Variants in UGT1A5 observed in about 807,000 individuals in gnomAD.
UGT1A5 encodes UDP-glucuronosyltransferase 1A5.
Under a neutral mutation model 40.3 loss-of-function variants are expected in UGT1A5, and 29 were observed. The ratio of observed to expected loss-of-function variants is 0.72; its 90% CI spans 0.54 to 0.98. The LOEUF (loss-of-function observed/expected upper bound fraction) is 0.98. Ranked by LOEUF, UGT1A5 falls within the 50% of genes least tolerant of loss-of-function variation. The pLI, the probability that UGT1A5 is intolerant of heterozygous loss-of-function variation, is 0.00. For missense variants in UGT1A5, 678 were observed against 677.9 expected (o/e 1.00, Z 0.00); for synonymous variants, 257 against 262.5 (o/e 0.98, Z 0.20).
At chr2:233,760,487 A>G (rs2125984867) in intron 1 of UGT1A5, 1 of 1,614,244 alleles carries the variant, frequency 6.2e-7, no homozygotes, top group Non-Finnish European at 8.5e-7. Context: ...GCCTCGTTGT[A>G]CATCAGAGAC....
chr2:233,729,862 G>T lies in UGT1A5; in HGVS notation c.867+16004G>T, dbSNP rs146461519. On this transcript the variant is annotated intron_variant, in intron 1 of 4. Transcript: ENST00000373414. Reference sequence around the variant, plus strand: ...GCTTTTTCAGAGAGAGGTGTCAGTGGTGGATATTCTCAGTCATGCATCTGT... The same window carrying T: ...GCTTTTTCAGAGAGAGGTGTCAGTGTTGGATATTCTCAGTCATGCATCTGT... 816 of 1,613,860 alleles carry T rather than the reference G, an allele frequency of 5.1e-4. 3 individuals are homozygous for T. In the Middle Eastern group the frequency reaches 7.4e-3, roughly 15 times the overall value.
At chr2:233,747,077 T>G (rs1575680795) in intron 1 of UGT1A5, 1 of 1,083,878 alleles carries the variant, frequency 9.2e-7, no homozygotes, top group East Asian at 2.9e-5. Flanking sequence ...AATAATTAAC[T>G]AGGAGGAGAG....
chr2:233,745,619 A>G (rs976825900), intron 1 of UGT1A5, among the ~76,000 whole-genome samples: 4 of 151,618 alleles, frequency 2.6e-5, no homozygotes, highest in Non-Finnish European at 5.9e-5. Context: ...CACACAATGA[A>G]CAGTCATAGA....
intron 1 of UGT1A5, among the ~76,000 whole-genome samples, chr2:233,738,801 T>C (rs1338084324): frequency 2.0e-5 from 3 of 152,194 alleles, no homozygotes; most frequent in Non-Finnish European, 4.4e-5. Context: ...GCAGAAATAC[T>C]AGCTAAAGAA....
At chr2:233,770,952 GA>G (rs1289547688) in intron 4 of UGT1A5, 4 of 152,160 alleles carry the variant, frequency 2.6e-5, no homozygotes, top group African/African-American at 9.7e-5. Context: ...GAACCTCAGG[GA>G]GCTTTTACTC....
At chr2:233,739,309 A>G (rs1691043770) in intron 1 of UGT1A5, among the ~76,000 whole-genome samples, 1 of 152,132 alleles carries the variant, frequency 6.6e-6, no homozygotes. Flanking sequence ...TGCCTAGTGG[A>G]GTTGTGAGAA....
intron 1 of UGT1A5, among the ~76,000 whole-genome samples, chr2:233,732,777 G>A: frequency 7.1e-6 from 1 of 141,314 alleles, no homozygotes; most frequent in Non-Finnish European, 1.5e-5. Flanking sequence ...TTTTTGCTTA[G>A]GATTGTCTTG....
chr2:233,716,651 C>T (rs6744284), intron 1 of UGT1A5, among the ~76,000 whole-genome samples: 57,476 of 151,882 alleles, frequency 0.38, 12,088 homozygotes, highest in African/African-American at 0.57. Flanking sequence ...ACTTTTTGTA[C>T]CCTAAGGAAG....
At chr2:233,747,897 G>T in intron 1 of UGT1A5, 2 of 1,613,482 alleles carry the variant, frequency 1.2e-6, no homozygotes, top group Non-Finnish European at 1.7e-6. Flanking sequence ...TGCTCTTTCT[G>T]CTCCTTATGC....
intron 1 of UGT1A5, chr2:233,747,090 C>A: frequency 8.0e-7 from 1 of 1,247,360 alleles, no homozygotes; most frequent in East Asian, 2.6e-5. Context: ...GAGGAGAGCA[C>A]TCTATCTTCC....
intron 3 of UGT1A5, 102 bp from the exon 4 acceptor site, chr2:233,768,118 G>A (rs1575832144): frequency 6.2e-7 from 1 of 1,600,328 alleles, no homozygotes; most frequent in South Asian, 1.1e-5. Context: ...GCAAGGGCAT[G>A]TGAGTAACAC....
intron 1 of UGT1A5, among the ~76,000 whole-genome samples, chr2:233,746,318 T>A (rs1693357703): frequency 6.6e-6 from 1 of 151,812 alleles, no homozygotes; most frequent in Non-Finnish European, 1.5e-5. Context: ...GCCCTGTAGA[T>A]GATCTACAGG....
intron 1 of UGT1A5, among the ~76,000 whole-genome samples, chr2:233,750,279 C>G (rs577374317): frequency 6.6e-6 from 1 of 152,046 alleles, no homozygotes; most frequent in East Asian, 1.9e-4. Flanking sequence ...AGCAAAGAGA[C>G]TGGTGGCATT....
In UGT1A5 at chr2:233,743,994, T is replaced by A. The variant is rs60469444; in HGVS notation, c.868-23040T>A. ...GCCAGCACCCAGGCGCAGGCCCGAGTGCTCGGAGACCTGGGCCGCCTGGAG... is the reference window on the plus strand; with the variant it reads ...GCCAGCACCCAGGCGCAGGCCCGAGAGCTCGGAGACCTGGGCCGCCTGGAG... On this transcript the variant is annotated intron_variant, in intron 1 of 4. Transcript: ENST00000373414. The A allele has an allele frequency of 4.3e-3, 5,381 of 1,253,154 alleles. 300 individuals are homozygous for A. The African/African-American group carries it at 0.076, about 18-fold the overall frequency. 77.6% of individuals were successfully genotyped at this position (1,253,154 alleles called of 1,614,324 possible). A position where few individuals can be genotyped will look rare whatever the true frequency, so the allele number is the denominator to read the frequency against.
chr2:233,767,957 G>A (rs1699529946), intron 3 of UGT1A5, 21 bp downstream of exon 3: 6 of 1,614,186 alleles, frequency 3.7e-6, no homozygotes, highest in South Asian at 1.1e-5. Flanking sequence ...CGGATTGGAT[G>A]TATAGGTCAA....
intron 1 of UGT1A5, chr2:233,755,162 G>C: frequency 2.3e-6 from 3 of 1,279,936 alleles, no homozygotes; most frequent in Non-Finnish European, 3.2e-6. Context: ...CCCTGTCCTC[G>C]GGGTTTTTGT....
chr2:233,716,312 G>A (rs1303311282), intron 1 of UGT1A5, among the ~76,000 whole-genome samples: 1 of 152,118 alleles, frequency 6.6e-6, no homozygotes, highest in African/African-American at 2.4e-5. Flanking sequence ...TCTTCCACCT[G>A]TAATGGAATA....
At chr2:233,742,932 T>A in intron 1 of UGT1A5, 1 of 195,120 alleles carries the variant, frequency 5.1e-6, no homozygotes. Flanking sequence ...CTGAACATTC[T>A]GTCCTACCAC....
At chr2:233,721,414 A>G (rs1463398492) in intron 1 of UGT1A5, 1 of 155,730 alleles carries the variant, frequency 6.4e-6, no homozygotes, top group Non-Finnish European at 1.4e-5. Context: ...TAGGACAGGT[A>G]CCCTAAGCAT....
Sources: gnomAD v4.1 joint callset for allele counts (sites outside exome capture counted in the v4.1 genomes callset) on GRCh38, gnomAD v4.1.1 for gene constraint, MANE v1.5 for transcripts, NCBI Gene and HGNC (gene_info 2026-07-23, HGNC 2026-07-21) for gene names.